SPC24: variants seen among roughly 807,000 people sequenced by gnomAD.
SPC24 encodes the protein kinetochore protein Spc24.
Under a neutral mutation model 27.6 loss-of-function variants are expected in SPC24, and 31 were observed. The observed-to-expected ratio is 1.12, with a 90% CI of 0.84 to 1.52. The LOEUF (loss-of-function observed/expected upper bound fraction) is 1.52, where lower values mean the gene tolerates loss of function less well. Ranked by LOEUF, SPC24 falls within the 40% of genes most tolerant of loss-of-function variation. SPC24 has a pLI of 0.00. For synonymous variants in SPC24, 105 were observed against 105.8 expected, an observed-to-expected ratio of 0.99 and a Z score of 0.05; for missense variants, 284 against 252.5, an observed-to-expected ratio of 1.12 and a Z score of -0.84.
intron 1 of SPC24, 45 bp from the exon 2 acceptor site, chr19:11,149,283 C>A: frequency 7.0e-7 from 1 of 1,419,266 alleles, no homozygotes. Flanking sequence ...TGTCCTTCCC[C>A]AAGGAGAGCA....
chr19:11,152,230 G>C (rs897668248), intron 1 of SPC24, among the ~76,000 whole-genome samples: 1 of 150,572 alleles, frequency 6.6e-6, no homozygotes, highest in African/African-American at 2.4e-5. Context: ...CTATTTTTTT[G>C]AGACAGTCTT....
chr19:11,152,288 C>T (rs1234866319), intron 1 of SPC24, among the ~76,000 whole-genome samples: 2 of 152,030 alleles, frequency 1.3e-5, no homozygotes, highest in African/African-American at 2.4e-5. Context: ...CAGCTCACTG[C>T]AGCCGCCACC....
intron 2 of SPC24, 97 bp from the exon 3 acceptor site, chr19:11,148,214 A>G: frequency 1.3e-6 from 1 of 753,416 alleles, no homozygotes. Flanking sequence ...ATTTACGCAC[A>G]CTCTCTTCTT....
chr19:11,155,516 G>A (rs1481020156), intron 1 of SPC24, 101 bp downstream of exon 1: 1 of 1,336,074 alleles, frequency 7.5e-7, no homozygotes, highest in Non-Finnish European at 9.9e-7. Context: ...CAGGAGATGG[G>A]AGAGTCCAGG....
chr19:11,147,930 A>T, intron 3 of SPC24, 36 bp from the exon 4 acceptor site: 1 of 697,114 alleles, frequency 1.4e-6, no homozygotes, highest in Non-Finnish European at 2.1e-6. Flanking sequence ...AAAAAAAAAA[A>T]GAAAGTTACC....
intron 1 of SPC24, among the ~76,000 whole-genome samples, chr19:11,153,617 G>A (rs2077889572): frequency 1.3e-5 from 2 of 151,536 alleles, no homozygotes; most frequent in African/African-American, 4.9e-5. Context: ...AAAATTAGCT[G>A]GGCATGTTGG....
chr19:11,149,039 G>A lies in SPC24; in HGVS notation c.305+55C>T, dbSNP rs534759400. The stretch of plus-strand genomic sequence containing the variant: ...TGGGATTACAGGCTTGAGCCACTGC[G>A]CCTGGCCCTATGCGTGTTTTCTAGC... On this transcript the variant is annotated intron_variant, in intron 2 of 4. Transcript: ENST00000592540. 9.5e-4 allele frequency: 1,352 copies of A among 1,423,350 alleles called. 2 individuals carry two copies. The highest frequency in any genetic ancestry group is 1.1e-3 in the South Asian group (71 of 65,692). The allele number at this position is 1,423,350 out of a possible 1,614,324, so 88.2% of individuals were successfully genotyped here. A position where few individuals can be genotyped will look rare whatever the true frequency, so the allele number is the denominator to read the frequency against.
intron 1 of SPC24, among the ~76,000 whole-genome samples, chr19:11,151,099 C>T (rs2077867348): frequency 7.5e-6 from 1 of 133,922 alleles, no homozygotes; most frequent in African/African-American, 2.8e-5. Flanking sequence ...GGAGGCGGAG[C>T]TTGCAGTGAG....
intron 2 of SPC24, among the ~76,000 whole-genome samples, chr19:11,148,806 C>T (rs539062172): frequency 4.6e-5 from 7 of 151,850 alleles, no homozygotes; most frequent in Admixed American, 1.3e-4. Flanking sequence ...TTAGTAGAGA[C>T]GGGGTTTCAC....
chr19:11,149,712 CTTTT>C (rs546646293), intron 1 of SPC24, among the ~76,000 whole-genome samples: 1 of 140,592 alleles, frequency 7.1e-6, no homozygotes. Context: ...AAAACCCTGT[CTTTT>C]TTTTTTTTTT....
chr19:11,148,825 C>G (rs1430046294), intron 2 of SPC24, among the ~76,000 whole-genome samples: 1 of 151,238 alleles, frequency 6.6e-6, no homozygotes, highest in Non-Finnish European at 1.5e-5. Context: ...ACTGTGTTAG[C>G]CAGGATGGTC....
At chr19:11,152,992 A>G (rs2077883729) in intron 1 of SPC24, among the ~76,000 whole-genome samples, 1 of 151,922 alleles carries the variant, frequency 6.6e-6, no homozygotes, top group Admixed American at 6.6e-5. Context: ...CCATAGGCCA[A>G]TCAAGGCTCA....
intron 1 of SPC24, among the ~76,000 whole-genome samples, chr19:11,151,685 C>T (rs2077873103): frequency 6.6e-6 from 1 of 152,124 alleles, no homozygotes; most frequent in African/African-American, 2.4e-5. Flanking sequence ...TCTCAGCTCA[C>T]TGCAACCTCC....
chr19:11,147,606 C>T (rs2077836628), intron 4 of SPC24: 3 of 588,814 alleles, frequency 5.1e-6, no homozygotes, highest in African/African-American at 3.7e-5. Context: ...CTATACTTTA[C>T]TATATTTATT....
chr19:11,148,048 G>A lies in SPC24; in HGVS notation c.375C>T (p.Val125=), dbSNP rs756876052. 9.3e-6 allele frequency: 15 copies of A among 1,613,560 alleles called. No homozygotes were observed. Among genetic ancestry groups the A allele is most frequent in the Admixed American group, 3.3e-5 (2 of 59,928 alleles). Residue 125 remains valine (V), a synonymous_variant, in exon 3 of 5, where the codon GTC becomes GTT. Coordinates refer to ENST00000592540, the MANE Select transcript of SPC24 (RefSeq NM_182513.4). ...GGATTGTGACTGTCGTGTCCTCGTC[G>A]ACCTCCTTCTCCTGTCGCTCCAGAT... The part of the protein sequence containing the change: ...EADLERQEKE[V]DEDTTVTIPS...
In SPC24 at chr19:11,147,996, G is replaced by A. The variant is rs770561662; in HGVS notation, c.410+17C>T. On this transcript the variant is annotated intron_variant, in intron 3 of 4. Coordinates refer to ENST00000592540, the MANE Select transcript of SPC24 (RefSeq NM_182513.4). ...CACAAGGAGGCACAGGCAGGCACAC[G>A]TTTTGGCAGAACCTACACGGCCGAG... 3.7e-6 allele frequency: 6 copies of A among 1,611,446 alleles called. No homozygotes were observed. The highest frequency in any genetic ancestry group is 5.1e-6 in the Non-Finnish European group (6 of 1,178,300).
intron 1 of SPC24, among the ~76,000 whole-genome samples, chr19:11,149,804 A>T (rs2077856618): frequency 6.7e-6 from 1 of 148,576 alleles, no homozygotes; most frequent in African/African-American, 2.5e-5. Flanking sequence ...TCCGCCTTCC[A>T]GTTTCAAGTG....
intron 1 of SPC24, among the ~76,000 whole-genome samples, chr19:11,155,367 G>C (rs1242692000): frequency 6.6e-6 from 1 of 152,118 alleles, no homozygotes; most frequent in South Asian, 2.1e-4. Flanking sequence ...CTCACGGAGA[G>C]CTCAGAAGGG....
At position 11,146,767 on chromosome 19, in the gene SPC24, CAAAA is replaced by C. The variant is rs747127191; in HGVS notation, c.*412_*415del. ...TGGGCGACAGAGTGAGACTCCGTCTCAAAAAAAAAAAAAAAAGGAAGACGTCTAG... is the reference window on the plus strand; with the variant it reads ...TGGGCGACAGAGTGAGACTCCGTCTCAAAAAAAAAAAAGGAAGACGTCTAG... On this transcript the variant is annotated 3_prime_UTR_variant, in exon 5 of 5. Coordinates refer to ENST00000592540, the MANE Select transcript of SPC24 (RefSeq NM_182513.4). 5 of 87,916 alleles carry C rather than the reference CAAAA, an allele frequency of 5.7e-5. No individual in the cohort carries two copies. Among genetic ancestry groups the C allele is most frequent in the South Asian group, 3.9e-4 (1 of 2,550 alleles). 5.4% of individuals were successfully genotyped at this position (87,916 alleles called of 1,614,324 possible). A position where few individuals can be genotyped will look rare whatever the true frequency, so the allele number is the denominator to read the frequency against.
Sources: gnomAD v4.1 joint callset for allele counts (sites outside exome capture counted in the v4.1 genomes callset) on GRCh38, gnomAD v4.1.1 for gene constraint, MANE v1.5 for transcripts, NCBI Gene and HGNC (gene_info 2026-07-23, HGNC 2026-07-21) for gene names.